CLVS1: variants seen among roughly 807,000 people sequenced by gnomAD.
CLVS1 encodes clavesin-1.
A neutral mutation model predicts 33.1 loss-of-function variants in CLVS1; 10 were observed. The observed-to-expected ratio is 0.30, with a 90% CI of 0.19 to 0.51. CLVS1 has a LOEUF of 0.51. Among genes scored for constraint, CLVS1 ranks in the 20% least tolerant of loss-of-function variants. CLVS1 has a pLI of 0.97. For synonymous variants in CLVS1, 163 were observed against 166.1 expected (o/e 0.98, Z 0.14); for missense variants, 343 against 433.4 (o/e 0.79, Z 1.85).
chr8:60,969,150 A>G, the CLVS1 span, among the ~76,000 whole-genome samples: 1 of 152,196 alleles, frequency 6.6e-6, no homozygotes, highest in Non-Finnish European at 1.5e-5. Flanking sequence ...ACCAGTCTAT[A>G]GTCAGTGGTC....
intron 1 of CLVS1, among the ~76,000 whole-genome samples, chr8:61,111,527 T>C (rs1333119288): frequency 6.6e-6 from 1 of 152,220 alleles, no homozygotes; most frequent in Non-Finnish European, 1.5e-5. Flanking sequence ...CATTTAAACT[T>C]TAATTCAATT....
chr8:61,031,813 T>C, the CLVS1 span, among the ~76,000 whole-genome samples: 2,215 of 152,132 alleles, frequency 0.015, 59 homozygotes, highest in African/African-American at 0.05. Flanking sequence ...CAGCAAAATA[T>C]AGCGGAAGCA....
At chr8:61,493,828 C>T (rs1011189367) in intron 5 of CLVS1, among the ~76,000 whole-genome samples, 2 of 152,092 alleles carry the variant, frequency 1.3e-5, no homozygotes, top group African/African-American at 4.8e-5. Context: ...TGATGTTGGT[C>T]CTGGAAAACA....
At chr8:61,077,752 G>GA (rs1316059063) in intron 1 of CLVS1, among the ~76,000 whole-genome samples, 5 of 151,788 alleles carry the variant, frequency 3.3e-5, no homozygotes, top group African/African-American at 1.2e-4. Flanking sequence ...AAGGAGAAGA[G>GA]AAAGAGAGGA....
the CLVS1 span, among the ~76,000 whole-genome samples, chr8:60,972,649 C>T: frequency 1.3e-5 from 2 of 152,072 alleles, no homozygotes; most frequent in Non-Finnish European, 2.9e-5. Context: ...GACCAGATGG[C>T]CCTACCTGGA....
chr8:61,241,625 T>A (rs1242604857), intron 2 of CLVS1, among the ~76,000 whole-genome samples: 3 of 152,220 alleles, frequency 2.0e-5, no homozygotes, highest in Non-Finnish European at 4.4e-5. Context: ...ATGGTATAAT[T>A]TTCATTTGTA....
chr8:61,074,565 C>T (rs1804874350), intron 1 of CLVS1, among the ~76,000 whole-genome samples: 1 of 150,904 alleles, frequency 6.6e-6, no homozygotes, highest in Non-Finnish European at 1.5e-5. Context: ...ACCTGTGAGG[C>T]AGAAAGCTCA....
At chr8:61,232,844 A>G (rs1173333737) in intron 2 of CLVS1, among the ~76,000 whole-genome samples, 1 of 152,206 alleles carries the variant, frequency 6.6e-6, no homozygotes, top group Non-Finnish European at 1.5e-5. Flanking sequence ...CTCATGCTTT[A>G]TCTCAACATT....
intron 5 of CLVS1, among the ~76,000 whole-genome samples, chr8:61,497,446 G>GGA (rs140802781): frequency 1.0e-4 from 15 of 148,550 alleles, no homozygotes; most frequent in Admixed American, 8.7e-4. Context: ...TTTTATTGGG[G>GGA]GGGGGGTGTC....
At chr8:61,252,795 T>G (rs1808980556) in intron 2 of CLVS1, among the ~76,000 whole-genome samples, 1 of 152,230 alleles carries the variant, frequency 6.6e-6, no homozygotes, top group Non-Finnish European at 1.5e-5. Context: ...CATCCCTTTA[T>G]TTTGAGCCTA....
intron 1 of CLVS1, among the ~76,000 whole-genome samples, chr8:61,091,298 A>G (rs762784905): frequency 9.9e-5 from 15 of 152,226 alleles, no homozygotes; most frequent in Non-Finnish European, 8.8e-5. Flanking sequence ...AGAAATAAGC[A>G]GTCCTGTGAC....
At chr8:61,364,316 C>T (rs897372466) in intron 2 of CLVS1, among the ~76,000 whole-genome samples, 2 of 152,178 alleles carry the variant, frequency 1.3e-5, no homozygotes, top group Non-Finnish European at 2.9e-5. Context: ...GTGGAAGTCA[C>T]AGCAGCCTTA....
At chr8:61,229,601 G>A (rs957003441) in intron 2 of CLVS1, among the ~76,000 whole-genome samples, 9 of 152,304 alleles carry the variant, frequency 5.9e-5, no homozygotes, top group Admixed American at 4.6e-4. Context: ...TTCAAGAAAC[G>A]CCTGAGTCAT....
chr8:61,162,314 C>T (rs1806769319), intron 2 of CLVS1, among the ~76,000 whole-genome samples: 1 of 152,208 alleles, frequency 6.6e-6, no homozygotes, highest in Non-Finnish European at 1.5e-5. Flanking sequence ...TATGCTTTTT[C>T]TCCTATTAGT....
chr8:61,032,997 GAAAGAAAGAAAGAAAGAAAGAAA>G, the CLVS1 span, among the ~76,000 whole-genome samples: 35 of 44,818 alleles, frequency 7.8e-4, no homozygotes, highest in African/African-American at 2.7e-3. Flanking sequence ...AGGAAGGAAA[GAAAGAAAGAAAGAAAGAAAGAAA>G]GAAAGAAAGA....
At chr8:61,191,730 T>C (rs1165575988) in intron 2 of CLVS1, among the ~76,000 whole-genome samples, 3 of 152,030 alleles carry the variant, frequency 2.0e-5, no homozygotes, top group Non-Finnish European at 2.9e-5. Flanking sequence ...TATACACCAA[T>C]AACAGACAAA....
intron 3 of CLVS1, among the ~76,000 whole-genome samples, chr8:61,425,542 A>G (rs1180542512): frequency 2.0e-5 from 3 of 152,198 alleles, no homozygotes; most frequent in African/African-American, 7.2e-5. Flanking sequence ...AACCATTACC[A>G]CTATCTAATT....
At chr8:61,376,954 A>G (rs906441190) in intron 3 of CLVS1, 175 bp downstream of exon 3, 1 of 534,210 alleles carries the variant, frequency 1.9e-6, no homozygotes, top group East Asian at 3.0e-5. Context: ...TTTAAAATTA[A>G]CTTTCATTTT....
intron 3 of CLVS1, among the ~76,000 whole-genome samples, chr8:61,431,146 C>T (rs1816096686): frequency 6.6e-6 from 1 of 152,190 alleles, no homozygotes; most frequent in Non-Finnish European, 1.5e-5. Context: ...TTCTCACTTA[C>T]ATAGAGAAGT....
Sources: gnomAD v4.1 joint callset for allele counts (sites outside exome capture counted in the v4.1 genomes callset) on GRCh38, gnomAD v4.1.1 for gene constraint, MANE v1.5 for transcripts, NCBI Gene and HGNC (gene_info 2026-07-23, HGNC 2026-07-21) for gene names.